KCNQ3: variants seen among roughly 807,000 people sequenced by gnomAD.
KCNQ3 encodes the protein potassium voltage-gated channel subfamily KQT member 3.
A neutral mutation model predicts 92.5 loss-of-function variants in KCNQ3; 30 were observed. The observed-to-expected ratio is 0.32, with a 90% CI of 0.24 to 0.44. The LOEUF (loss-of-function observed/expected upper bound fraction) is 0.44. Ranked by LOEUF, KCNQ3 falls within the 20% of genes least tolerant of loss-of-function variation. The pLI, the probability that KCNQ3 is intolerant of heterozygous loss-of-function variation, is 1.00. For synonymous variants in KCNQ3, 450 were observed against 468.8 expected (o/e 0.96, Z 0.52); for missense variants, 913 against 1,140.3 (o/e 0.80, Z 2.87).
At chr8:132,201,696 G>A (rs1463125083) in intron 1 of KCNQ3, among the ~76,000 whole-genome samples, 2 of 152,130 alleles carry the variant, frequency 1.3e-5, no homozygotes, top group African/African-American at 2.4e-5. Context: ...CCTCCAGGCC[G>A]TGGCCCCTAT....
intron 1 of KCNQ3, among the ~76,000 whole-genome samples, chr8:132,281,647 A>T (rs918158460): frequency 6.6e-6 from 1 of 151,748 alleles, no homozygotes; most frequent in South Asian, 2.1e-4. Context: ...AACTATAACA[A>T]TCTCCGACCT....
intron 1 of KCNQ3, among the ~76,000 whole-genome samples, chr8:132,457,970 G>T (rs1821979865): frequency 6.6e-6 from 1 of 152,144 alleles, no homozygotes. Flanking sequence ...TCCCTCCATG[G>T]TCATGAGCAT....
At chr8:132,425,373 G>A (rs916788273) in intron 1 of KCNQ3, among the ~76,000 whole-genome samples, 1 of 152,200 alleles carries the variant, frequency 6.6e-6, no homozygotes, top group Non-Finnish European at 1.5e-5. Context: ...CTTGAGACAA[G>A]TAAATTCTCT....
At chr8:132,143,234 C>T (rs1156483516) in intron 9 of KCNQ3, among the ~76,000 whole-genome samples, 1 of 151,978 alleles carries the variant, frequency 6.6e-6, no homozygotes, top group Admixed American at 6.6e-5. Context: ...GAACTGAAGT[C>T]AACATTTTTG....
intron 1 of KCNQ3, among the ~76,000 whole-genome samples, chr8:132,417,985 T>A (rs571816058): frequency 3.3e-5 from 5 of 152,162 alleles, no homozygotes; most frequent in Admixed American, 2.6e-4. Flanking sequence ...AAAGCACTCC[T>A]GGCTCTAGTT....
chr8:132,137,166 C>T (rs1825130416), intron 12 of KCNQ3, among the ~76,000 whole-genome samples: 1 of 152,086 alleles, frequency 6.6e-6, no homozygotes, highest in Non-Finnish European at 1.5e-5. Context: ...CCACTGTGCC[C>T]AACCAATGAC....
intron 11 of KCNQ3, 62 bp downstream of exon 11, chr8:132,140,014 T>C: frequency 8.8e-7 from 1 of 1,141,850 alleles, no homozygotes; most frequent in Non-Finnish European, 1.3e-6. Context: ...AGCCCCTTCC[T>C]GTGGGAGTTG....
chr8:132,353,141 G>A (rs560952534), intron 1 of KCNQ3, among the ~76,000 whole-genome samples: 5 of 152,218 alleles, frequency 3.3e-5, no homozygotes, highest in South Asian at 2.1e-4. Context: ...CAGGAGAATC[G>A]CTGGAACCTG....
At chr8:132,181,910 T>A (rs1826791869) in intron 3 of KCNQ3, among the ~76,000 whole-genome samples, 1 of 151,504 alleles carries the variant, frequency 6.6e-6, no homozygotes, top group South Asian at 2.1e-4. Context: ...CTGGGCACGG[T>A]GGTGGGTGCC....
chr8:132,381,811 G>A (rs879485345), intron 1 of KCNQ3, among the ~76,000 whole-genome samples: 2 of 152,194 alleles, frequency 1.3e-5, no homozygotes, highest in Admixed American at 6.5e-5. Flanking sequence ...CTTTAGCTTA[G>A]TCCTCTCCCA....
intron 1 of KCNQ3, among the ~76,000 whole-genome samples, chr8:132,423,393 C>T (rs964297102): frequency 1.3e-5 from 2 of 152,178 alleles, no homozygotes; most frequent in African/African-American, 2.4e-5. Flanking sequence ...TGAGCTTCCT[C>T]CACAAAATGG....
intron 3 of KCNQ3, among the ~76,000 whole-genome samples, chr8:132,181,889 AAAAAAAT>A (rs1826790739): frequency 6.6e-6 from 1 of 151,908 alleles, no homozygotes; most frequent in African/African-American, 2.4e-5. Context: ...AAAAATACAA[AAAAAAAT>A]TAGCTGGGCA....
intron 1 of KCNQ3, among the ~76,000 whole-genome samples, chr8:132,350,058 C>G (rs898613022): frequency 4.6e-5 from 7 of 152,170 alleles, no homozygotes; most frequent in African/African-American, 1.7e-4. Flanking sequence ...GAGCAGTGAA[C>G]ATTACTTTGG....
intron 1 of KCNQ3, among the ~76,000 whole-genome samples, chr8:132,363,442 T>G (rs1159082976): frequency 2.0e-5 from 3 of 152,024 alleles, no homozygotes; most frequent in Non-Finnish European, 2.9e-5. Flanking sequence ...CCGGGCCAGG[T>G]GGTGTGGCAA....
At chr8:132,196,714 C>T (rs925971398) in intron 1 of KCNQ3, among the ~76,000 whole-genome samples, 14 of 152,154 alleles carry the variant, frequency 9.2e-5, no homozygotes, top group African/African-American at 3.4e-4. Context: ...GCAGATGGTC[C>T]CCAAGGCCTG....
chr8:132,142,217 C>A (rs1234490742), intron 9 of KCNQ3, among the ~76,000 whole-genome samples: 4 of 152,154 alleles, frequency 2.6e-5, no homozygotes, highest in African/African-American at 9.7e-5. Context: ...CTTCATGATA[C>A]TTCTAGAAGA....
chr8:132,448,712 G>GATTT (rs1355654762), intron 1 of KCNQ3, among the ~76,000 whole-genome samples: 1 of 152,122 alleles, frequency 6.6e-6, no homozygotes, highest in African/African-American at 2.4e-5. Context: ...GTGCCATTTG[G>GATTT]ATTTCATGGT....
At chr8:132,357,698 C>T (rs1335228392) in intron 1 of KCNQ3, among the ~76,000 whole-genome samples, 2 of 152,222 alleles carry the variant, frequency 1.3e-5, no homozygotes, top group African/African-American at 2.4e-5. Context: ...AGTCTCCAAG[C>T]TGTTGCTTCT....
chr8:132,479,523 GA>G (rs1822493579), intron 1 of KCNQ3, among the ~76,000 whole-genome samples: 1 of 151,952 alleles, frequency 6.6e-6, no homozygotes, highest in African/African-American at 2.4e-5. Flanking sequence ...TCCCTAAAAG[GA>G]ATCCTAGAAC....
Sources: gnomAD v4.1 joint callset for allele counts (sites outside exome capture counted in the v4.1 genomes callset) on GRCh38, gnomAD v4.1.1 for gene constraint, MANE v1.5 for transcripts, NCBI Gene and HGNC (gene_info 2026-07-23, HGNC 2026-07-21) for gene names.